Variants in PBX3 observed in about 807,000 individuals in gnomAD.
PBX3 encodes the protein PBX homeobox 3.
Under a neutral mutation model 48.5 loss-of-function variants are expected in PBX3, and 14 were observed. The observed-to-expected ratio is 0.29, with a 90% CI of 0.19 to 0.45. The LOEUF (loss-of-function observed/expected upper bound fraction) is 0.45, where lower values mean the gene tolerates loss of function less well. Ranked by LOEUF, PBX3 falls within the 20% of genes least tolerant of loss-of-function variation. The pLI is 1.00. For missense variants in PBX3, 386 were observed against 546.7 expected (o/e 0.71, Z 2.93); for synonymous variants, 210 against 200.3 (o/e 1.05, Z -0.41).
chr9:125,871,041 T>C (rs567957775), intron 2 of PBX3, among the ~76,000 whole-genome samples: 1 of 152,226 alleles, frequency 6.6e-6, no homozygotes, highest in East Asian at 1.9e-4. Flanking sequence ...CTTGAAAAAC[T>C]CACATGTATA....
At chr9:125,926,139 C>T (rs1370903778) in intron 3 of PBX3, among the ~76,000 whole-genome samples, 1 of 152,190 alleles carries the variant, frequency 6.6e-6, no homozygotes, top group Non-Finnish European at 1.5e-5. Context: ...ATAAACATCT[C>T]CTTAGGGAAA....
rs760524157 is a variant in PBX3 at position 125,747,586 on chromosome 9, G to A, written c.133G>A (p.Asp45Asn). ...GGCGGACGGCGACGGCAGGAAGCAG[G>A]ACATCGGCGACATCCTCCACCAGAT... ...EGADGDGRKQ[D>N]IGDILHQIMT... Residue 45 changes from aspartate (D) to asparagine (N), a missense_variant, in exon 1 of 9, where the codon GAC becomes AAC. Physicochemically the swap from Asp to Asn is conservative, Grantham distance 23. Transcript: ENST00000373489. 3 of 1,607,116 alleles carry A rather than the reference G, an allele frequency of 1.9e-6. No individual in the cohort carries two copies. The highest frequency in any genetic ancestry group is 1.4e-5 in the African/African-American group (1 of 73,900).
intron 2 of PBX3, among the ~76,000 whole-genome samples, chr9:125,836,542 T>G (rs1241231798): frequency 1.3e-5 from 2 of 152,108 alleles, no homozygotes; most frequent in Non-Finnish European, 2.9e-5. Flanking sequence ...AAGGGGTTGG[T>G]TAATGGGTAC....
At chr9:125,929,380 C>T (rs1257551579) in intron 3 of PBX3, among the ~76,000 whole-genome samples, 2 of 152,114 alleles carry the variant, frequency 1.3e-5, no homozygotes, top group African/African-American at 4.8e-5. Context: ...AGGGAGCATC[C>T]TCGAATGGGA....
chr9:125,779,245 C>CTTT lies in PBX3; in HGVS notation c.274+30636_274+30638dup, dbSNP rs34221799. ...TGTCATGTGTGTCAGAACTTTGTTCCTTTTTTTTTTTTTTTTAATTTTTAT... is the reference window on the plus strand; with the variant it reads ...TGTCATGTGTGTCAGAACTTTGTTCCTTTTTTTTTTTTTTTTTTTAATTTTTAT... On this transcript the variant is annotated intron_variant, in intron 2 of 8. Coordinates refer to ENST00000373489, the MANE Select transcript of PBX3 (RefSeq NM_006195.6). Among the ~76,000 whole-genome samples, 263 of 127,826 alleles carry CTTT rather than the reference C, an allele frequency of 2.1e-3. 2 individuals carry two copies. The highest frequency in any genetic ancestry group is 7.3e-3 in the African/African-American group (244 of 33,556). 83.9% of individuals were successfully genotyped at this position (127,826 alleles called of 152,430 possible). A position where few individuals can be genotyped will look rare whatever the true frequency, so the allele number is the denominator to read the frequency against.
intron 8 of PBX3, among the ~76,000 whole-genome samples, chr9:125,964,314 A>G (rs1842488523): frequency 1.3e-5 from 2 of 152,218 alleles, no homozygotes. Context: ...TAAAAGAGGA[A>G]TGATGTTTAC....
chr9:125,930,457 A>G lies in PBX3; in HGVS notation c.707+612A>G, dbSNP rs570757578. 5.3e-5 allele frequency among the ~76,000 whole-genome samples: 8 copies of G among 152,332 alleles called. No homozygotes were observed. In the South Asian group the frequency reaches 1.5e-3, roughly 28 times the overall value. ...GTGACCTACTGAGTGACAGAACAGA[A>G]GAATTGTCAACGTCATAGTGTACGC... On this transcript the variant is annotated intron_variant, in intron 4 of 8. Transcript: ENST00000373489.
At chr9:125,750,732 A>C (rs1265249877) in intron 2 of PBX3, among the ~76,000 whole-genome samples, 1 of 152,208 alleles carries the variant, frequency 6.6e-6, no homozygotes, top group African/African-American at 2.4e-5. Flanking sequence ...TTTTGTAAAA[A>C]GCCAACAGCC....
intron 3 of PBX3, among the ~76,000 whole-genome samples, chr9:125,929,212 A>G (rs919682579): frequency 2.0e-5 from 3 of 152,216 alleles, no homozygotes; most frequent in Non-Finnish European, 2.9e-5. Context: ...CCAGGCCTGC[A>G]TCTTGCTCAT....
intron 2 of PBX3, among the ~76,000 whole-genome samples, chr9:125,887,983 G>C (rs545258910): frequency 6.6e-6 from 1 of 152,128 alleles, no homozygotes; most frequent in Non-Finnish European, 1.5e-5. Context: ...TGATGAATCA[G>C]TTATATCATG....
At chr9:125,884,568 T>TTTCCC (rs1840455175) in intron 2 of PBX3, among the ~76,000 whole-genome samples, 1 of 152,230 alleles carries the variant, frequency 6.6e-6, no homozygotes, top group Admixed American at 6.5e-5. Context: ...ACTTTATTAC[T>TTTCCC]AGTTGCCTTT....
chr9:125,947,576 A>G (rs1195613100), intron 5 of PBX3, among the ~76,000 whole-genome samples: 1 of 152,156 alleles, frequency 6.6e-6, no homozygotes, highest in Non-Finnish European at 1.5e-5. Context: ...TTTTAAAATA[A>G]GCAGTCTAAA....
At chr9:125,916,805 A>G (rs560194253) in intron 3 of PBX3, among the ~76,000 whole-genome samples, 13 of 152,324 alleles carry the variant, frequency 8.5e-5, no homozygotes, top group African/African-American at 2.9e-4. Context: ...AGGAATTCTC[A>G]TTTGATAAGA....
At chr9:125,812,851 A>G (rs1488184040) in intron 2 of PBX3, among the ~76,000 whole-genome samples, 1 of 152,210 alleles carries the variant, frequency 6.6e-6, no homozygotes, top group Non-Finnish European at 1.5e-5. Flanking sequence ...GTATTTGTGT[A>G]TCTAAACATA....
At chr9:125,907,214 C>T (rs10987019) in intron 2 of PBX3, among the ~76,000 whole-genome samples, 9,039 of 151,798 alleles carry the variant, frequency 0.06, 627 homozygotes, top group East Asian at 0.17. Flanking sequence ...AAACTATATA[C>T]CATTAAAATA....
intron 2 of PBX3, among the ~76,000 whole-genome samples, chr9:125,882,917 T>G (rs1840414255): frequency 6.6e-6 from 1 of 152,200 alleles, no homozygotes; most frequent in Admixed American, 6.5e-5. Flanking sequence ...AGTTGTTGTT[T>G]TAGAGAAGTA....
chr9:125,858,646 A>T (rs867156289), intron 2 of PBX3, among the ~76,000 whole-genome samples: 8 of 140,398 alleles, frequency 5.7e-5, no homozygotes, highest in Non-Finnish European at 9.2e-5. Flanking sequence ...TTTTTTCAAG[A>T]TGAAGTTTCA....
At chr9:125,874,880 A>G (rs374013801) in intron 2 of PBX3, among the ~76,000 whole-genome samples, 1 of 152,202 alleles carries the variant, frequency 6.6e-6, no homozygotes, top group Non-Finnish European at 1.5e-5. Flanking sequence ...CTATAAATGT[A>G]TTTGAATGTC....
intron 2 of PBX3, among the ~76,000 whole-genome samples, chr9:125,763,355 A>G (rs1836720185): frequency 6.6e-6 from 1 of 152,248 alleles, no homozygotes; most frequent in South Asian, 2.1e-4. Context: ...ACCTGCAGAA[A>G]TGAACAAAAA....
Sources: gnomAD v4.1 joint callset for allele counts (sites outside exome capture counted in the v4.1 genomes callset) on GRCh38, gnomAD v4.1.1 for gene constraint, MANE v1.5 for transcripts, NCBI Gene and HGNC (gene_info 2026-07-23, HGNC 2026-07-21) for gene names.